Variants in C1orf162 observed in about 807,000 individuals in gnomAD.
The protein encoded by C1orf162 is transmembrane protein C1orf162.
A neutral mutation model predicts 11.4 loss-of-function variants in C1orf162; 10 were observed. That is an observed-to-expected ratio of 0.88 (90% CI 0.54 to 1.48). The LOEUF is 1.48. Among genes scored for constraint, C1orf162 ranks in the 40% most tolerant of loss-of-function variants. C1orf162 has a pLI of 0.00. For synonymous variants in C1orf162, 53 were observed against 55.0 expected (o/e 0.96, Z 0.16); for missense variants, 140 against 149.5 (o/e 0.94, Z 0.33).
intron 4 of C1orf162, 85 bp downstream of exon 4, chr1:111,477,513 T>C (rs1458516161): frequency 2.0e-6 from 3 of 1,485,884 alleles, no homozygotes; most frequent in Non-Finnish European, 2.8e-6. Flanking sequence ...TGGGAGGAGG[T>C]AGGGGAGGGT....
At position 111,478,111 on chromosome 1, in the gene C1orf162, A is replaced by AGT; in HGVS notation, c.382_383dup (p.Thr129Ter). 1.9e-6 allele frequency: 3 copies of AGT among 1,614,246 alleles called. No individual in the cohort carries two copies. The highest frequency in any genetic ancestry group is 2.5e-6 in the Non-Finnish European group (3 of 1,180,042). On this transcript the variant is annotated frameshift_variant, in exon 6 of 6. Transcript: ENST00000369718. LOFTEE classifies it high-confidence loss of function. ...ACCCCATTGTCTATGCTCAAATTAA[A>AGT]GTAACAAACTAACTCAGCTTTTCCA...
chr1:111,476,610 A>G (rs1438010918), intron 2 of C1orf162, among the ~76,000 whole-genome samples, 188 bp from the exon 3 acceptor site: 1 of 152,018 alleles, frequency 6.6e-6, no homozygotes, highest in African/African-American at 2.4e-5. Context: ...TTGATTTTTA[A>G]GTTCTATTTT....
In C1orf162 at chr1:111,476,100, G is replaced by A. The variant is rs145690743; in HGVS notation, c.37+35G>A. 2.4e-4 allele frequency: 377 copies of A among 1,597,892 alleles called. No homozygotes were observed. In the East Asian group the frequency reaches 7.5e-3, roughly 32 times the overall value. Reference sequence around the variant, plus strand: ...CGACAGGAATAATTACCTGCCTCACGTCTGAGTTAAAATAACTAGAAATTG... The same window carrying A: ...CGACAGGAATAATTACCTGCCTCACATCTGAGTTAAAATAACTAGAAATTG... On this transcript the variant is annotated intron_variant, in intron 2 of 5. Transcript: ENST00000369718.
rs759429034 is a variant in C1orf162 at position 111,477,410 on chromosome 1, A to G, written c.184A>G (p.Ile62Val). The G allele has an allele frequency of 7.4e-6, 12 of 1,613,274 alleles. No individual in the cohort carries two copies. In the East Asian group the frequency reaches 2.7e-4, roughly 36 times the overall value. Residue 62 changes from isoleucine (I) to valine (V), a missense_variant, in exon 4 of 6, where the codon ATA (isoleucine) becomes GTA (valine). Transcript: ENST00000369718. ...LLLIAFIFLI[I>V]KSYRKYHSKP... ...GCTGATAGCCTTTATCTTCCTCATC[A>G]TAAAGAGCTACAGAAAATGTAAGTG...
rs1167242999 is a variant in C1orf162, at chr1:111,476,849, G to T, written c.89G>T (p.Cys30Phe). The change falls in exon 3 of 6, where the codon TGT becomes TTT. Residue 30 changes from cysteine to phenylalanine, a missense_variant. Cys to Phe is a radical substitution (Grantham distance 205). Coordinates refer to ENST00000369718, the MANE Select transcript of C1orf162 (RefSeq NM_001300834.2). The stretch of plus-strand genomic sequence containing the variant: ...GCCCCAACAACTAGCCCTGCACCCT[G>T]TCTCTCTAACCACCACAAGTAAATG... ...TAAPTTSPAP[C>F]LSNHHNKKHL... is the part of the protein sequence containing the mutation. 1.2e-6 allele frequency: 2 copies of T among 1,613,994 alleles called. No individual in the cohort carries two copies. Among genetic ancestry groups the T allele is most frequent in the Admixed American group, 1.7e-5 (1 of 60,016 alleles).
chr1:111,476,662 A>G (rs1653999375), intron 2 of C1orf162, 136 bp from the exon 3 acceptor site: 1 of 793,112 alleles, frequency 1.3e-6, no homozygotes, highest in South Asian at 1.5e-5. Flanking sequence ...ATGTTCTCTC[A>G]TTTTTGTAAG....
intron 2 of C1orf162, 151 bp from the exon 3 acceptor site, chr1:111,476,647 A>C: frequency 1.4e-6 from 1 of 732,042 alleles, no homozygotes. Flanking sequence ...GGAATCTAAA[A>C]AACAATGTTC....
rs376655836 is a variant in C1orf162 at position 111,476,045 on chromosome 1, C to T, written c.17C>T (p.Ser6Phe). 6.2e-7 allele frequency: 1 copy of T among 1,613,022 alleles called. No individual in the cohort carries two copies. Among genetic ancestry groups the T allele is most frequent in the Non-Finnish European group, 8.5e-7 (1 of 1,179,164 alleles). The change falls in exon 2 of 6, where the codon TCC becomes TTC. Residue 6 changes from serine (S) to phenylalanine (F), a missense_variant. By Grantham distance (155) the Ser-to-Phe change is radical (BLOSUM62 -2). Coordinates refer to ENST00000369718, the MANE Select transcript of C1orf162 (RefSeq NM_001300834.2). MGGNG[S>F]TCKPDTERQG... is the part of the protein sequence containing the mutation. ...GATGACAGCATGGGAGGCAATGGCT[C>T]CACATGTAAACCCGACACTGGTGAG...
In C1orf162 at chr1:111,476,078, C is replaced by G; in HGVS notation, c.37+13C>G. On this transcript the variant is annotated intron_variant, in intron 2 of 5. Transcript: ENST00000369718. ...AAACCCGACACTGGTGAGTTTACGA[C>G]AGGAATAATTACCTGCCTCACGTCT... The G allele has an allele frequency of 6.2e-7, 1 of 1,610,524 alleles. No homozygotes were observed. Among genetic ancestry groups the G allele is most frequent in the Non-Finnish European group, 8.5e-7 (1 of 1,176,936 alleles).
chr1:111,477,682 C>T (rs374918555), intron 4 of C1orf162, 44 bp from the exon 5 acceptor site: 29 of 1,613,430 alleles, frequency 1.8e-5, no homozygotes, highest in Admixed American at 5.0e-5. Context: ...TTTCCCCAGG[C>T]CCATTGCTGA....
intron 3 of C1orf162, 76 bp from the exon 4 acceptor site, chr1:111,477,258 C>A: frequency 1.6e-6 from 2 of 1,226,958 alleles, no homozygotes; most frequent in Non-Finnish European, 2.4e-6. Flanking sequence ...CATCCATAGG[C>A]AGGAAAGGTT....
rs781718310 is a variant in C1orf162, at chr1:111,476,805, A to G, written c.45A>G (p.Gln15=). ...GSTCKPDTER[Q]GTLSTAAPTT... Reference sequence around the variant, plus strand: ...TTTTGTGTTTTCTTGTAGAAAGACAAGGCACTCTCTCCACAGCAGCCCCAA... The same window carrying G: ...TTTTGTGTTTTCTTGTAGAAAGACAGGGCACTCTCTCCACAGCAGCCCCAA... Residue 15 remains glutamine, a synonymous_variant, in exon 3 of 6, where the codon CAA becomes CAG. Coordinates refer to ENST00000369718, the MANE Select transcript of C1orf162 (RefSeq NM_001300834.2). The G allele has an allele frequency of 1.9e-6, 3 of 1,613,822 alleles. No homozygotes were observed. Among genetic ancestry groups the G allele is most frequent in the African/African-American group, 2.7e-5 (2 of 74,902 alleles).
chr1:111,476,770 C>T (rs556179888), intron 2 of C1orf162, 28 bp from the exon 3 acceptor site: 3 of 1,609,170 alleles, frequency 1.9e-6, no homozygotes, highest in East Asian at 4.5e-5. Context: ...GTGACAGATA[C>T]ACTAATTCCT....
chr1:111,477,845 A>G lies in C1orf162; in HGVS notation c.252+70A>G. ...ATTGGAATTCCCCTCCATACTCTTC[A>G]TTATCTGCTAGAATGGTGGTATTGA... is the stretch of plus-strand genomic sequence containing the variant. On this transcript the variant is annotated intron_variant, in intron 5 of 5. Transcript: ENST00000369718. The G allele has an allele frequency of 1.9e-6, 3 of 1,597,642 alleles. No homozygotes were observed. In the South Asian group the frequency reaches 3.3e-5, roughly 18 times the overall value.
At chr1:111,475,606 G>T in intron 1 of C1orf162, 1 of 173,770 alleles carries the variant, frequency 5.8e-6, no homozygotes. Flanking sequence ...ACTTACTTCA[G>T]TTCAGTGCTT....
At chr1:111,477,897 T>G in intron 5 of C1orf162, 86 bp from the exon 6 acceptor site, 1 of 1,598,532 alleles carries the variant, frequency 6.3e-7, no homozygotes, top group Non-Finnish European at 8.6e-7. Context: ...AAGTGATTCT[T>G]TGACCAAAGT....
Position 111,476,791 on chromosome 1 carries a change from C to T in C1orf162, c.38-7C>T. On this transcript the variant is annotated splice_polypyrimidine_tract_variant and splice_region_variant and intron_variant, in intron 2 of 5. Transcript: ENST00000369718. ...GATACACTAATTCCTTTTGTGTTTT[C>T]TTGTAGAAAGACAAGGCACTCTCTC... 6.2e-7 allele frequency: 1 copy of T among 1,613,646 alleles called. No homozygotes were observed. Among genetic ancestry groups the T allele is most frequent in the Non-Finnish European group, 8.5e-7 (1 of 1,179,624 alleles).
chr1:111,477,919 T>C (rs1218312894), intron 5 of C1orf162, 64 bp from the exon 6 acceptor site: 2 of 1,609,506 alleles, frequency 1.2e-6, no homozygotes, highest in Non-Finnish European at 1.7e-6. Flanking sequence ...CTCAGGTTGC[T>C]TCTAAAGAGC....
intron 4 of C1orf162, 114 bp from the exon 5 acceptor site, chr1:111,477,612 C>A (rs565953233): frequency 9.2e-5 from 146 of 1,587,354 alleles, no homozygotes; most frequent in Non-Finnish European, 1.2e-4. Context: ...CCCCCACCCA[C>A]CTGCCAACAC....
Sources: allele counts gnomAD v4.1 joint callset (sites outside exome capture counted in the v4.1 genomes callset), GRCh38; gene constraint gnomAD v4.1.1; transcripts MANE v1.5; gene names NCBI Gene and HGNC (gene_info 2026-07-23, HGNC 2026-07-21).